The following NRBP1 variants were observed in gnomAD, a reference collection of about 807,000 sequenced individuals.
NRBP1 encodes nuclear receptor-binding protein.
Under a neutral mutation model 76.0 loss-of-function variants are expected in NRBP1, and 10 were observed. The ratio of observed to expected loss-of-function variants is 0.13; its 90% CI spans 0.08 to 0.22. The LOEUF (loss-of-function observed/expected upper bound fraction) is 0.22. NRBP1 is among the 10% of genes least tolerant of loss of function. The probability of loss-of-function intolerance (pLI) is 1.00; values close to 1 mark genes in which losing one functional copy is unlikely to be tolerated. For synonymous variants in NRBP1, 235 were observed against 240.2 expected (o/e 0.98, Z 0.20); for missense variants, 344 against 646.0 (o/e 0.53, Z 5.07).
chr2:27,430,158 C>A (rs572813763), intron 1 of NRBP1, among the ~76,000 whole-genome samples: 1 of 152,092 alleles, frequency 6.6e-6, no homozygotes, highest in Non-Finnish European at 1.5e-5. Context: ...TGAGCCAGCG[C>A]GCCTGGCAAA....
At chr2:27,428,278 G>A, upstream of NRBP1, 1 of 173,826 alleles carries the variant, frequency 5.8e-6, no homozygotes, top group African/African-American at 2.4e-5. Context: ...CGCTCCTCTC[G>A]GACTGAGGCT....
chr2:27,441,394 C>G, intron 16 of NRBP1, 64 bp downstream of exon 16: 1 of 1,525,064 alleles, frequency 6.6e-7, no homozygotes, highest in Non-Finnish European at 9.1e-7. Context: ...GGGACATATT[C>G]AGGGGTGGGG....
At chr2:27,430,554 C>T (rs1051355817) in intron 1 of NRBP1, among the ~76,000 whole-genome samples, 7 of 151,352 alleles carry the variant, frequency 4.6e-5, no homozygotes, top group African/African-American at 1.7e-4. Context: ...CTGCAACCTC[C>T]GCCTCCTGAG....
chr2:27,440,778 A>T, intron 13 of NRBP1, 27 bp from the exon 14 acceptor site: 1 of 1,614,104 alleles, frequency 6.2e-7, no homozygotes, highest in Non-Finnish European at 8.5e-7. Context: ...CACAGAGCCC[A>T]TGTGACCTGT....
Position 27,433,840 on chromosome 2 carries a change from T to A in NRBP1, c.333+45T>A, listed in dbSNP as rs1319348974. The A allele has an allele frequency of 2.5e-6, 4 of 1,613,282 alleles. No homozygotes were observed. In the African/African-American group the frequency reaches 5.3e-5, roughly 22 times the overall value. On this transcript the variant is annotated intron_variant, in intron 3 of 17. Coordinates refer to ENST00000379852, the MANE Select transcript of NRBP1 (RefSeq NM_013392.4). ...TGAAGCCTGGGGAATGTTGGAACAC[T>A]GATGTTAGAGAGGAATTGGTGTTGG...
intron 8 of NRBP1, 41 bp downstream of exon 8, chr2:27,436,877 G>C (rs1282347059): frequency 6.4e-7 from 1 of 1,574,664 alleles, no homozygotes; most frequent in Non-Finnish European, 8.7e-7. Context: ...TCATCCCCCT[G>C]CTTTTGCACC....
In NRBP1 at chr2:27,435,150, A is replaced by AC. The variant is rs763892200; in HGVS notation, c.591dup (p.Ile198HisfsTer9). ...CCCCACAGCTACCTGCACTCCTGTGACCCCCCCATCATCCATGGGAACCTG... is the reference window on the plus strand; with the variant it reads ...CCCCACAGCTACCTGCACTCCTGTGACCCCCCCCATCATCCATGGGAACCTG... On this transcript the variant is annotated frameshift_variant, in exon 7 of 18. Transcript: ENST00000379852. LOFTEE classifies it high-confidence loss of function. The AC allele has an allele frequency of 1.9e-6, 3 of 1,612,872 alleles. No individual in the cohort carries two copies. The highest frequency in any genetic ancestry group is 1.7e-6 in the Non-Finnish European group (2 of 1,179,722).
Position 27,441,010 on chromosome 2 carries a change from G to GCTCTATCCT in NRBP1, c.1329+71_1329+79dup. On this transcript the variant is annotated intron_variant, in intron 14 of 17. Coordinates refer to ENST00000379852, the MANE Select transcript of NRBP1 (RefSeq NM_013392.4). ...AGGGAGAGAGGACATCTCAAATAAGGCTCTATCCTTTAGAGAAAATGCTCC... is the reference window on the plus strand; with the variant it reads ...AGGGAGAGAGGACATCTCAAATAAGGCTCTATCCTCTCTATCCTTTAGAGAAAATGCTCC... 10 of 1,609,704 alleles carry GCTCTATCCT rather than the reference G, an allele frequency of 6.2e-6. No individual in the cohort carries two copies. In the South Asian group the frequency reaches 1.1e-4, roughly 18 times the overall value.
In NRBP1 at chr2:27,435,142, C is replaced by T. The variant is rs750351311; in HGVS notation, c.576C>T (p.His192=). Residue 192 remains histidine (H), a synonymous_variant, in exon 7 of 18, where the codon CAC becomes CAT. Transcript: ENST00000379852. ...TQILSALSYL[H]SCDPPIIHGN... is the part of the protein sequence containing the mutation. ...CCCAGTGCCCCCACAGCTACCTGCA[C>T]TCCTGTGACCCCCCCATCATCCATG... is the stretch of plus-strand genomic sequence containing the variant. The T allele has an allele frequency of 1.2e-6, 2 of 1,613,900 alleles. No individual in the cohort carries two copies. Among genetic ancestry groups the T allele is most frequent in the East Asian group, 2.2e-5 (1 of 44,880 alleles).
chr2:27,440,037 A>G (rs1664471069), intron 11 of NRBP1, 139 bp downstream of exon 11: 5 of 605,174 alleles, frequency 8.3e-6, no homozygotes, highest in Non-Finnish European at 1.2e-5. Flanking sequence ...TTTTTGAGAC[A>G]GAGTCTCACT....
intron 1 of NRBP1, chr2:27,429,188 G>C (rs1201416182): frequency 6.6e-6 from 1 of 152,456 alleles, no homozygotes; most frequent in Non-Finnish European, 1.5e-5. Flanking sequence ...TTGATGAGGT[G>C]GCCGCCGCTG....
In NRBP1 at chr2:27,439,783, C is replaced by T; in HGVS notation, c.921C>T (p.Cys307=). The change falls in exon 11 of 18, where the codon TGC becomes TGT. Residue 307 remains cysteine (C), a synonymous_variant. Transcript: ENST00000379852. ...TTTTCTAGGAGTTCATTCAAAAGTG[C>T]CTGCAGTCTGAGCCTGCTCGCAGAC... ...DPLQREFIQK[C]LQSEPARRPT... 6.2e-7 allele frequency: 1 copy of T among 1,614,014 alleles called. No individual in the cohort carries two copies. Among genetic ancestry groups the T allele is most frequent in the Non-Finnish European group, 8.5e-7 (1 of 1,179,986 alleles).
At chr2:27,436,858 GC>G in intron 8 of NRBP1, 22 bp downstream of exon 8, 1 of 1,605,772 alleles carries the variant, frequency 6.2e-7, no homozygotes, top group Admixed American at 1.7e-5. Context: ...TGCTTTCTCT[GC>G]CCTGTCCTCA....
intron 5 of NRBP1, 69 bp downstream of exon 5, chr2:27,434,629 T>C: frequency 2.5e-6 from 4 of 1,591,622 alleles, no homozygotes; most frequent in Non-Finnish European, 3.4e-6. Context: ...ACTCTGTTAA[T>C]AATGAAGCTG....
chr2:27,436,859 C>G (rs1287358450), intron 8 of NRBP1, 23 bp downstream of exon 8: 2 of 1,602,778 alleles, frequency 1.2e-6, no homozygotes, highest in Non-Finnish European at 1.7e-6. Context: ...GCTTTCTCTG[C>G]CCTGTCCTCA....
At chr2:27,440,972 T>C (rs757939530) in intron 14 of NRBP1, 32 bp downstream of exon 14, 1 of 1,612,430 alleles carries the variant, frequency 6.2e-7, no homozygotes, top group Non-Finnish European at 8.5e-7. Context: ...ATTGTCTCCA[T>C]GGTTGTGGTG....
chr2:27,437,227 G>A (rs749511976), intron 9 of NRBP1, 35 bp from the exon 10 acceptor site: 5 of 1,590,096 alleles, frequency 3.1e-6, no homozygotes, highest in South Asian at 2.2e-5. Flanking sequence ...AAGTTCTTAG[G>A]TGTCTACTTT....
In NRBP1 at chr2:27,439,821, A is replaced by G. The variant is rs764631733; in HGVS notation, c.959A>G (p.Glu320Gly). The G allele has an allele frequency of 6.2e-7, 1 of 1,613,998 alleles. No individual in the cohort carries two copies. Among genetic ancestry groups the G allele is most frequent in the Non-Finnish European group, 8.5e-7 (1 of 1,179,980 alleles). ...SEPARRPTAR[E>G]LLFHPALFEV... is the part of the protein sequence containing the mutation. The stretch of plus-strand genomic sequence containing the variant: ...CCTGCTCGCAGACCAACAGCCAGAG[A>G]ACTTCTGTTCCACCCAGCATTGTTT... The change falls in exon 11 of 18, where the codon GAA (glutamate) becomes GGA (glycine). Residue 320 changes from glutamate (E) to glycine (G), a missense_variant. Coordinates refer to ENST00000379852, the MANE Select transcript of NRBP1 (RefSeq NM_013392.4).
intron 10 of NRBP1, among the ~76,000 whole-genome samples, chr2:27,439,402 G>A (rs529973266): frequency 3.3e-5 from 5 of 150,856 alleles, no homozygotes; most frequent in East Asian, 3.9e-4. Context: ...GGAGAATGGC[G>A]TGAACCCGGT....
Sources: allele counts gnomAD v4.1 joint callset (sites outside exome capture counted in the v4.1 genomes callset), GRCh38; gene constraint gnomAD v4.1.1; transcripts MANE v1.5; gene names NCBI Gene and HGNC (gene_info 2026-07-23, HGNC 2026-07-21).